Variants in DOCK1 observed in about 807,000 individuals in gnomAD.
DOCK1 encodes dedicator of cytokinesis 1, also known as dedicator of cytokinesis protein 1.
In DOCK1, 138 loss-of-function variants were observed where a neutral mutation model predicts 262.7. The observed-to-expected ratio is 0.53, with a 90% CI of 0.46 to 0.61. The LOEUF (loss-of-function observed/expected upper bound fraction) is 0.61, where lower values mean the gene tolerates loss of function less well. Among genes scored for constraint, DOCK1 ranks in the 20% least tolerant of loss-of-function variants. The probability of loss-of-function intolerance (pLI) is 0.00; values close to 1 mark genes in which losing one functional copy is unlikely to be tolerated. For synonymous variants in DOCK1, 866 were observed against 867.4 expected, an observed-to-expected ratio of 1.00 and a Z score of 0.03; for missense variants, 1,908 against 2,370.7, an observed-to-expected ratio of 0.80 and a Z score of 4.05.
chr10:127,259,789 A>ATTTT (rs10534535), intron 29 of DOCK1, among the ~76,000 whole-genome samples: 1 of 144,978 alleles, frequency 6.9e-6, no homozygotes, highest in Non-Finnish European at 1.5e-5. Context: ...TTAGTTCATG[A>ATTTT]TTTTTTTTTT....
chr10:127,447,546 G>A lies in DOCK1; in HGVS notation c.5565+1G>A. 6.2e-7 allele frequency: 1 copy of A among 1,613,566 alleles called. No homozygotes were observed. The highest frequency in any genetic ancestry group is 8.5e-7 in the Non-Finnish European group (1 of 1,179,668). On this transcript the variant is annotated splice_donor_variant, in intron 51 of 51. Coordinates refer to ENST00000623213, the MANE Select transcript of DOCK1 (RefSeq NM_001290223.2). LOFTEE classifies it high-confidence loss of function. Reference sequence around the variant, plus strand: ...TCCACCTCCCCCTCCACACCAGAGGGTAAGTCGGCAATCTGAAACACAGGC... The same window carrying A: ...TCCACCTCCCCCTCCACACCAGAGGATAAGTCGGCAATCTGAAACACAGGC...
In DOCK1 at chr10:127,124,939, C is replaced by A. The variant is rs370341077; in HGVS notation, c.2624-535C>A. Among the ~76,000 whole-genome samples the A allele has an allele frequency of 2.1e-4, 32 of 152,048 alleles. No individual in the cohort carries two copies. The South Asian group carries it at 6.4e-3, about 31-fold the overall frequency. ...CGTGTGTGGCTAACATGGTGAAACC[C>A]CATGTCTACTAAAAATAAAAAAAAA... is the stretch of plus-strand genomic sequence containing the variant. On this transcript the variant is annotated intron_variant, in intron 25 of 51. Coordinates refer to ENST00000623213, the MANE Select transcript of DOCK1 (RefSeq NM_001290223.2).
intron 30 of DOCK1, 70 bp from the exon 31 acceptor site, chr10:127,343,576 C>A: frequency 8.3e-7 from 1 of 1,205,628 alleles, no homozygotes; most frequent in Non-Finnish European, 1.2e-6. Context: ...TGATAAATGT[C>A]TGAGAGCATT....
intron 1 of DOCK1, among the ~76,000 whole-genome samples, chr10:126,918,889 ACGGAGGATTCGGACAGGTGG>A (rs2032830873): frequency 2.0e-5 from 3 of 152,014 alleles, no homozygotes; most frequent in Non-Finnish European, 4.4e-5. Context: ...GCAGGTGGGC[ACGGAGGATTCGGACAGGTGG>A]GCACGGAGGA....
At chr10:127,280,927 A>G (rs1038930872) in intron 29 of DOCK1, among the ~76,000 whole-genome samples, 1 of 152,200 alleles carries the variant, frequency 6.6e-6, no homozygotes. Context: ...CCCATGGTCC[A>G]TATTTTATTC....
intron 29 of DOCK1, among the ~76,000 whole-genome samples, chr10:127,328,185 A>G (rs1452761604): frequency 6.6e-6 from 1 of 152,084 alleles, no homozygotes; most frequent in Non-Finnish European, 1.5e-5. Flanking sequence ...CCTTCAGCAA[A>G]TGACATGAGC....
chr10:127,070,073 G>A (rs113496465), intron 23 of DOCK1, among the ~76,000 whole-genome samples: 3,705 of 151,800 alleles, frequency 0.024, 153 homozygotes, highest in African/African-American at 0.084. Flanking sequence ...CTCTGCCCCC[G>A]TCTTCACGCA....
At chr10:126,997,998 GT>G in intron 7 of DOCK1, 93 bp from the exon 8 acceptor site, 1 of 1,500,186 alleles carries the variant, frequency 6.7e-7, no homozygotes, top group Non-Finnish European at 9.0e-7. Flanking sequence ...ATGCCAATGA[GT>G]TATTACAATT....
chr10:127,160,412 T>G (rs2053497254), intron 27 of DOCK1, among the ~76,000 whole-genome samples: 1 of 152,220 alleles, frequency 6.6e-6, no homozygotes, highest in Admixed American at 6.5e-5. Flanking sequence ...TGTGTGTGCC[T>G]GGTCTGGTTG....
At chr10:127,126,099 TTC>T (rs2049939527) in intron 26 of DOCK1, among the ~76,000 whole-genome samples, 3 of 150,978 alleles carry the variant, frequency 2.0e-5, no homozygotes, top group Non-Finnish European at 3.0e-5. Flanking sequence ...TTTTTTTTTT[TTC>T]TTTTTTCTTT....
chr10:127,356,869 A>G (rs1013374767), intron 32 of DOCK1, among the ~76,000 whole-genome samples: 4 of 152,104 alleles, frequency 2.6e-5, no homozygotes, highest in Non-Finnish European at 5.9e-5. Context: ...GTGTTGTTCC[A>G]TTTCAACTCT....
intron 47 of DOCK1, among the ~76,000 whole-genome samples, chr10:127,431,404 T>C (rs1006517030): frequency 1.3e-5 from 2 of 152,182 alleles, no homozygotes; most frequent in Non-Finnish European, 2.9e-5. Context: ...CCAACCCCCT[T>C]CCTTTATTCC....
chr10:127,269,875 C>T (rs992783454), intron 29 of DOCK1, among the ~76,000 whole-genome samples: 2 of 152,200 alleles, frequency 1.3e-5, no homozygotes, highest in African/African-American at 2.4e-5. Flanking sequence ...TGGGAAGCCC[C>T]GTTGGCATAA....
intron 10 of DOCK1, among the ~76,000 whole-genome samples, chr10:127,006,749 G>A (rs1428410972): frequency 6.6e-6 from 1 of 152,172 alleles, no homozygotes; most frequent in Non-Finnish European, 1.5e-5. Context: ...ATGGTCCTGT[G>A]TTCCAGGGCT....
At chr10:127,288,004 A>G (rs1343239680) in intron 29 of DOCK1, among the ~76,000 whole-genome samples, 1 of 152,172 alleles carries the variant, frequency 6.6e-6, no homozygotes, top group African/African-American at 2.4e-5. Flanking sequence ...TGGTACCCTG[A>G]GAGTGTTTAT....
intron 21 of DOCK1, among the ~76,000 whole-genome samples, chr10:127,046,273 G>A (rs117163015): frequency 0.012 from 1,900 of 152,222 alleles, 22 homozygotes; most frequent in Non-Finnish European, 0.02. Context: ...AGCACCACCC[G>A]CAGAGGCCTA....
intron 29 of DOCK1, among the ~76,000 whole-genome samples, chr10:127,267,704 A>G (rs2060413500): frequency 6.6e-6 from 1 of 152,220 alleles, no homozygotes; most frequent in Non-Finnish European, 1.5e-5. Context: ...TCATGTTACG[A>G]GGACCGAAGC....
chr10:127,361,239 A>G (rs1466101150), intron 32 of DOCK1, among the ~76,000 whole-genome samples: 7 of 146,122 alleles, frequency 4.8e-5, no homozygotes, highest in Non-Finnish European at 7.4e-5. Context: ...TCAGCCTCCC[A>G]GGTAGCTGGG....
Position 127,245,588 on chromosome 10 carries a change from G to C in DOCK1, c.2848-2420G>C, listed in dbSNP as rs1590100587. Reference sequence around the variant, plus strand: ...TGTTCGCTTCAGTTTTTCGTTTTCTGTGTTACAACGGTTTTGGCATTTGTT... The same window carrying C: ...TGTTCGCTTCAGTTTTTCGTTTTCTCTGTTACAACGGTTTTGGCATTTGTT... On this transcript the variant is annotated intron_variant, in intron 27 of 51. Coordinates refer to ENST00000623213, the MANE Select transcript of DOCK1 (RefSeq NM_001290223.2). 3.3e-5 allele frequency among the ~76,000 whole-genome samples: 5 copies of C among 152,174 alleles called. No individual in the cohort carries two copies. The South Asian group carries it at 1.0e-3, about 32-fold the overall frequency.
Sources: allele counts gnomAD v4.1 joint callset (sites outside exome capture counted in the v4.1 genomes callset), GRCh38; gene constraint gnomAD v4.1.1; transcripts MANE v1.5; gene names NCBI Gene and HGNC (gene_info 2026-07-23, HGNC 2026-07-21).